MYO1E: variants seen among roughly 807,000 people sequenced by gnomAD.
MYO1E encodes unconventional myosin-Ie.
MYO1E carries 68 observed loss-of-function variants against 151.1 expected under a neutral mutation model. The observed-to-expected ratio is 0.45, with a 90% CI of 0.37 to 0.55. MYO1E has a LOEUF of 0.55. MYO1E is among the 20% of genes least tolerant of loss of function. The pLI is 0.00. For missense variants in MYO1E, 1,363 were observed against 1,389.3 expected, an observed-to-expected ratio of 0.98 and a Z score of 0.30; for synonymous variants, 601 against 501.7, an observed-to-expected ratio of 1.20 and a Z score of -2.64.
At chr15:59,290,375 T>A (rs1359218110) in intron 1 of MYO1E, among the ~76,000 whole-genome samples, 1 of 152,214 alleles carries the variant, frequency 6.6e-6, no homozygotes, top group Non-Finnish European at 1.5e-5. Context: ...GAGCTACCCT[T>A]TCTAAACAGA....
chr15:59,202,971 A>C (rs2079811180), intron 15 of MYO1E, among the ~76,000 whole-genome samples: 1 of 152,194 alleles, frequency 6.6e-6, no homozygotes, highest in South Asian at 2.1e-4. Context: ...GTCTCAAACA[A>C]CTGGACTCAA....
chr15:59,137,514 A>C, intron 27 of MYO1E, 58 bp from the exon 28 acceptor site: 4 of 1,381,020 alleles, frequency 2.9e-6, no homozygotes, highest in Non-Finnish European at 4.1e-6. Context: ...TGCCCCAGCC[A>C]CACACACTCC....
intron 4 of MYO1E, among the ~76,000 whole-genome samples, chr15:59,237,330 C>T (rs75655494): frequency 6.6e-6 from 1 of 152,116 alleles, no homozygotes; most frequent in Non-Finnish European, 1.5e-5. Flanking sequence ...TAAAATTAAA[C>T]CTTGAAGCAA....
At chr15:59,362,884 T>TTAAACAAC (rs2080893139) in intron 1 of MYO1E, among the ~76,000 whole-genome samples, 1 of 152,214 alleles carries the variant, frequency 6.6e-6, no homozygotes, top group African/African-American at 2.4e-5. Context: ...TATTTAAGAA[T>TTAAACAAC]TAAACAACTA....
intron 4 of MYO1E, among the ~76,000 whole-genome samples, chr15:59,251,411 T>C (rs1211524412): frequency 3.3e-5 from 5 of 152,178 alleles, no homozygotes; most frequent in African/African-American, 1.2e-4. Flanking sequence ...AATAGGGCAA[T>C]TGTGGTAGGA....
At chr15:59,337,877 G>A (rs2080739081) in intron 1 of MYO1E, among the ~76,000 whole-genome samples, 1 of 152,160 alleles carries the variant, frequency 6.6e-6, no homozygotes, top group Admixed American at 6.5e-5. Context: ...ATAGGACAAA[G>A]TAAAATCTAA....
intron 4 of MYO1E, among the ~76,000 whole-genome samples, chr15:59,246,631 T>C (rs2080131842): frequency 6.6e-6 from 1 of 152,176 alleles, no homozygotes; most frequent in South Asian, 2.1e-4. Context: ...AATAACCTTA[T>C]CTTTTTGAAC....
At position 59,174,251 on chromosome 15, in the gene MYO1E, A is replaced by C; in HGVS notation, c.2050-11T>G. ...TTCTAAAAGAAATAGCTGTGAATGG[A>C]GAGAAGACAAATGTGAGCCAAGCCC... is the stretch of plus-strand genomic sequence containing the variant. On this transcript the variant is annotated splice_polypyrimidine_tract_variant and intron_variant, in intron 19 of 27. Coordinates refer to ENST00000288235, the MANE Select transcript of MYO1E (RefSeq NM_004998.4). 2 of 1,588,198 alleles carry C rather than the reference A, an allele frequency of 1.3e-6. No homozygotes were observed. The highest frequency in any genetic ancestry group is 1.7e-6 in the Non-Finnish European group (2 of 1,156,674).
At chr15:59,196,906 C>CT (rs1198006610) in intron 16 of MYO1E, among the ~76,000 whole-genome samples, 2 of 145,548 alleles carry the variant, frequency 1.4e-5, no homozygotes, top group East Asian at 4.0e-4. Context: ...TATAGCACAG[C>CT]TTTTTTTTGT....
intron 19 of MYO1E, among the ~76,000 whole-genome samples, chr15:59,176,275 T>C (rs1286317546): frequency 6.6e-6 from 1 of 152,060 alleles, no homozygotes; most frequent in African/African-American, 2.4e-5. Flanking sequence ...TTAGCCAGGA[T>C]GGTCTTGATC....
At chr15:59,308,665 C>T (rs2080530566) in intron 1 of MYO1E, among the ~76,000 whole-genome samples, 1 of 92,594 alleles carries the variant, frequency 1.1e-5, no homozygotes, top group African/African-American at 3.6e-5. Flanking sequence ...GAGCAAGACA[C>T]CATCTCAAAA....
intron 1 of MYO1E, among the ~76,000 whole-genome samples, chr15:59,313,683 G>T (rs2080567229): frequency 6.6e-6 from 1 of 152,136 alleles, no homozygotes; most frequent in South Asian, 2.1e-4. Context: ...GATTTATTTT[G>T]ATTTGTGTTG....
chr15:59,149,743 G>C (rs1175663458), intron 26 of MYO1E, among the ~76,000 whole-genome samples: 4 of 152,210 alleles, frequency 2.6e-5, no homozygotes, highest in African/African-American at 9.6e-5. Context: ...AGGGATGAGA[G>C]AGAGGAAGGA....
At chr15:59,156,289 A>G (rs1198819598) in intron 25 of MYO1E, among the ~76,000 whole-genome samples, 1 of 152,174 alleles carries the variant, frequency 6.6e-6, no homozygotes, top group East Asian at 1.9e-4. Flanking sequence ...GGTTCAAGCA[A>G]TTCTCGTGCC....
rs1342710892 is a variant in MYO1E at position 59,132,969 on chromosome 15, T to TTCTC, written c.*4407_*4410dup. The TTCTC allele has an allele frequency of 1.3e-5, 2 of 152,204 alleles. No individual in the cohort carries two copies. Among genetic ancestry groups the TTCTC allele is most frequent in the East Asian group, 3.8e-4 (2 of 5,198 alleles). The allele number at this position is 152,204 out of a possible 1,614,324, so 9.4% of individuals were successfully genotyped here. Reference sequence around the variant, plus strand: ...TGTTGAGTTTTATGCGTGAGTTTTCTTCTCTCTCTCTTTTTAAATAGACTT... The same window carrying TTCTC: ...TGTTGAGTTTTATGCGTGAGTTTTCTTCTCTCTCTCTCTCTTTTTAAATAGACTT... On this transcript the variant is annotated 3_prime_UTR_variant, in exon 28 of 28. Transcript: ENST00000288235.
In MYO1E at chr15:59,159,641, C is replaced by G. The variant is rs1454717886; in HGVS notation, c.2786-1262G>C. Among the ~76,000 whole-genome samples, 2 of 152,242 alleles carry G rather than the reference C, an allele frequency of 1.3e-5. No individual in the cohort carries two copies. Among genetic ancestry groups the G allele is most frequent in the African/African-American group, 2.4e-5 (1 of 41,458 alleles). ...TTTGTTCCCTAAACCCCGTCCACAT[C>G]TTTTCACTGAAAAATCGCTTCAGAA... On this transcript the variant is annotated intron_variant, in intron 24 of 27. Transcript: ENST00000288235. The surrounding 1 kb of genome is among the most constrained non-coding windows in gnomAD (Gnocchi z 4.4).
At chr15:59,142,672 T>C (rs1182248996) in intron 26 of MYO1E, among the ~76,000 whole-genome samples, 1 of 152,148 alleles carries the variant, frequency 6.6e-6, no homozygotes, top group African/African-American at 2.4e-5. Context: ...CTACAGACTC[T>C]GCCAGGGGCG....
In MYO1E at chr15:59,319,830, A is replaced by C. The variant is rs544582182; in HGVS notation, c.4-47381T>G. Among the ~76,000 whole-genome samples, 7 of 152,166 alleles carry C rather than the reference A, an allele frequency of 4.6e-5. No individual in the cohort carries two copies. The South Asian group carries it at 1.2e-3, about 27-fold the overall frequency. On this transcript the variant is annotated intron_variant, in intron 1 of 27. Coordinates refer to ENST00000288235, the MANE Select transcript of MYO1E (RefSeq NM_004998.4). The stretch of plus-strand genomic sequence containing the variant: ...AGGCAGGAGAATCACTTGAACACAG[A>C]GGCAGAGGTTGCAGTGAGCCGAGAC...
chr15:59,262,347 C>T (rs2080229010), intron 2 of MYO1E, among the ~76,000 whole-genome samples: 1 of 152,148 alleles, frequency 6.6e-6, no homozygotes, highest in African/African-American at 2.4e-5. Context: ...GGTGCAGTGG[C>T]TCATGCCTGT....
Sources: gnomAD v4.1 joint callset for allele counts (sites outside exome capture counted in the v4.1 genomes callset) on GRCh38, gnomAD v4.1.1 for gene constraint, Gnocchi (gnomAD v3.1) non-coding constraint, MANE v1.5 for transcripts, NCBI Gene and HGNC (gene_info 2026-07-23, HGNC 2026-07-21) for gene names.